LBH: variants seen among roughly 807,000 people sequenced by gnomAD.
LBH encodes the protein protein LBH.
LBH carries 7 observed loss-of-function variants against 12.5 expected under a neutral mutation model. The ratio of observed to expected loss-of-function variants is 0.56; its 90% CI spans 0.32 to 1.05. The LOEUF is 1.05. LBH is among the 50% of genes least tolerant of loss of function. The pLI, the probability that LBH is intolerant of heterozygous loss-of-function variation, is 0.04. For missense variants in LBH, 119 were observed against 138.9 expected, an observed-to-expected ratio of 0.86 and a Z score of 0.72; for synonymous variants, 51 against 50.1, an observed-to-expected ratio of 1.02 and a Z score of -0.08.
chr2:30,234,049 T>G (rs1175030556), intron 1 of LBH, among the ~76,000 whole-genome samples: 2 of 152,216 alleles, frequency 1.3e-5, no homozygotes, highest in Non-Finnish European at 2.9e-5. Context: ...TTGAATTGGT[T>G]TTAATATAGA....
At position 30,257,482 on chromosome 2, in the gene LBH, G is replaced by A. The variant is rs201301340; in HGVS notation, c.179G>A (p.Arg60His). The A allele has an allele frequency of 1.5e-5, 25 of 1,614,172 alleles. No homozygotes were observed. In the South Asian group the frequency reaches 2.4e-4, roughly 16 times the overall value. The change falls in exon 3 of 3, where the codon CGT becomes CAT. Residue 60 changes from arginine (R) to histidine (H), a missense_variant. By Grantham distance (29) the Arg-to-His change is conservative. Coordinates refer to ENST00000395323, the MANE Select transcript of LBH (RefSeq NM_030915.4). ...DFDRCCKLKD[R>H]LPSIVVEPTE... ...GACCGCTGCTGCAAACTGAAGGACC[G>A]TCTGCCCTCCATAGTGGTGGAACCC...
rs1372064308 is a variant in LBH at position 30,258,116 on chromosome 2, T to G, written c.*495T>G. On this transcript the variant is annotated 3_prime_UTR_variant, in exon 3 of 3. Transcript: ENST00000395323. ...CAGGATGCGCTCAGCAGACATTCAC[T>G]CTGGCTGCTGGGACATCAGAAAACA... The G allele has an allele frequency of 6.5e-6, 1 of 154,562 alleles. No homozygotes were observed. Among genetic ancestry groups the G allele is most frequent in the African/African-American group, 2.4e-5 (1 of 41,462 alleles). 9.6% of individuals were successfully genotyped at this position (154,562 alleles called of 1,614,324 possible).
chr2:30,232,071 C>G (rs945137952), intron 1 of LBH: 1 of 1,509,920 alleles, frequency 6.6e-7, no homozygotes, highest in Non-Finnish European at 8.9e-7. Context: ...ATGAAACCAC[C>G]CTATGCGGAG....
At chr2:30,237,290 T>C (rs1411755786) in intron 2 of LBH, among the ~76,000 whole-genome samples, 1 of 152,188 alleles carries the variant, frequency 6.6e-6, no homozygotes, top group Admixed American at 6.5e-5. Context: ...TGAAAGAAAG[T>C]CATCAAGTAA....
intron 2 of LBH, among the ~76,000 whole-genome samples, chr2:30,239,184 G>C (rs897215255): frequency 6.6e-6 from 1 of 152,098 alleles, no homozygotes; most frequent in African/African-American, 2.4e-5. Flanking sequence ...GCGGTAGCTC[G>C]GAAACCCCTT....
chr2:30,248,096 T>G (rs1410225470), intron 2 of LBH, among the ~76,000 whole-genome samples: 2 of 152,206 alleles, frequency 1.3e-5, no homozygotes, highest in East Asian at 3.8e-4. Context: ...GTCCATCAGC[T>G]CTCTGTTAGT....
intron 1 of LBH, 116 bp downstream of exon 1, chr2:30,231,880 C>A: frequency 1.1e-6 from 1 of 910,154 alleles, no homozygotes; most frequent in Non-Finnish European, 1.5e-6. Flanking sequence ...GCGCTCAGCG[C>A]TAACCCGCCG....
At chr2:30,236,751 G>A (rs1182201918) in intron 2 of LBH, among the ~76,000 whole-genome samples, 1 of 152,094 alleles carries the variant, frequency 6.6e-6, no homozygotes, top group Non-Finnish European at 1.5e-5. Context: ...GTCCAGGTGG[G>A]GGACATACAG....
Position 30,259,139 on chromosome 2 carries a change from C to T in LBH, c.*1518C>T, listed in dbSNP as rs1446279001. On this transcript the variant is annotated 3_prime_UTR_variant, in exon 3 of 3. Coordinates refer to ENST00000395323, the MANE Select transcript of LBH (RefSeq NM_030915.4). ...AACCAAGGCACGCAGCATGTCCCCT[C>T]AGGTCTCCAGTCAGTCCAGGTTGAC... The T allele has an allele frequency of 6.5e-6, 1 of 152,802 alleles. No homozygotes were observed. Among genetic ancestry groups the T allele is most frequent in the Non-Finnish European group, 1.5e-5 (1 of 68,172 alleles). The allele number at this position is 152,802 out of a possible 1,614,324, so 9.5% of individuals were successfully genotyped here. A position where few individuals can be genotyped will look rare whatever the true frequency, so the allele number is the denominator to read the frequency against.
At chr2:30,250,482 T>G (rs952558996) in intron 2 of LBH, among the ~76,000 whole-genome samples, 2 of 151,592 alleles carry the variant, frequency 1.3e-5, no homozygotes, top group Non-Finnish European at 1.5e-5. Flanking sequence ...TGTGGCCAGC[T>G]TGGGTTGTTT....
chr2:30,256,000 A>G (rs1678077605), intron 2 of LBH, among the ~76,000 whole-genome samples: 1 of 152,200 alleles, frequency 6.6e-6, no homozygotes, highest in Non-Finnish European at 1.5e-5. Flanking sequence ...AGAGATGGCC[A>G]TGAAGGTGCC....
intron 2 of LBH, among the ~76,000 whole-genome samples, chr2:30,254,585 G>GTCCTCTTCC (rs1678046989): frequency 6.8e-6 from 1 of 146,800 alleles, no homozygotes; most frequent in East Asian, 2.0e-4. Context: ...CCTCCTCTTC[G>GTCCTCTTCC]TCCTCTTCCT....
chr2:30,246,865 A>C (rs1572381036), intron 2 of LBH, among the ~76,000 whole-genome samples: 1 of 119,126 alleles, frequency 8.4e-6, no homozygotes, highest in African/African-American at 3.4e-5. Flanking sequence ...TCTGTCACCC[A>C]GGCTAGAGTG....
Position 30,231,657 on chromosome 2 carries a change from T to G in LBH, c.-82T>G. On this transcript the variant is annotated 5_prime_UTR_variant, in exon 1 of 3. Coordinates refer to ENST00000395323, the MANE Select transcript of LBH (RefSeq NM_030915.4). The stretch of plus-strand genomic sequence containing the variant: ...CGCACTCGGCCGCCTGCCGTGCCCG[T>G]CTGCGCCCGTGTCATCCTCACTCGG... 7.1e-7 allele frequency: 1 copy of G among 1,411,878 alleles called. No individual in the cohort carries two copies. The highest frequency in any genetic ancestry group is 9.9e-7 in the Non-Finnish European group (1 of 1,007,920). The allele number at this position is 1,411,878 out of a possible 1,614,324, so 87.5% of individuals were successfully genotyped here.
At position 30,242,998 on chromosome 2, in the gene LBH, A is replaced by C. The variant is rs910811232; in HGVS notation, c.129+8491A>C. Reference sequence around the variant, plus strand: ...AACAGAAAAGATCAAAGAGTTTATCAAAATATAAGCTCCCAGCATTGAAAG... The same window carrying C: ...AACAGAAAAGATCAAAGAGTTTATCCAAATATAAGCTCCCAGCATTGAAAG... On this transcript the variant is annotated intron_variant, in intron 2 of 2. Coordinates refer to ENST00000395323, the MANE Select transcript of LBH (RefSeq NM_030915.4). Among the ~76,000 whole-genome samples, 10 of 152,346 alleles carry C rather than the reference A, an allele frequency of 6.6e-5. No homozygotes were observed. In the East Asian group the frequency reaches 1.2e-3, roughly 18 times the overall value.
At chr2:30,242,155 TAG>T (rs1677801637) in intron 2 of LBH, among the ~76,000 whole-genome samples, 1 of 152,172 alleles carries the variant, frequency 6.6e-6, no homozygotes, top group Non-Finnish European at 1.5e-5. Flanking sequence ...TTCCTTAGCA[TAG>T]AGACTGTGGA....
chr2:30,257,385 C>T (rs867425077), intron 2 of LBH, 48 bp from the exon 3 acceptor site: 1 of 1,600,938 alleles, frequency 6.2e-7, no homozygotes, highest in South Asian at 1.1e-5. Context: ...TGGAATTTCT[C>T]TTTTCAAATA....
chr2:30,245,681 C>T (rs534525073), intron 2 of LBH, among the ~76,000 whole-genome samples: 87 of 152,308 alleles, frequency 5.7e-4, no homozygotes, highest in African/African-American at 2.0e-3. Context: ...CTACCTATGT[C>T]ATCTCAGGCA....
At chr2:30,252,762 C>A (rs531320045) in intron 2 of LBH, among the ~76,000 whole-genome samples, 49 of 152,248 alleles carry the variant, frequency 3.2e-4, no homozygotes, top group Middle Eastern at 3.4e-3. Flanking sequence ...CCATTGGATT[C>A]ATTTCAGCCA....
Sources: gnomAD v4.1 joint callset for allele counts (sites outside exome capture counted in the v4.1 genomes callset) on GRCh38, gnomAD v4.1.1 for gene constraint, MANE v1.5 for transcripts, NCBI Gene and HGNC (gene_info 2026-07-23, HGNC 2026-07-21) for gene names.